The following KMT2C variants were observed in gnomAD, a reference collection of about 807,000 sequenced individuals.
The protein encoded by KMT2C is lysine methyltransferase 2C.
A neutral mutation model predicts 507.9 loss-of-function variants in KMT2C; 88 were observed. The ratio of observed to expected loss-of-function variants is 0.17; its 90% CI spans 0.15 to 0.21. The LOEUF (loss-of-function observed/expected upper bound fraction) is 0.21, where lower values mean the gene tolerates loss of function less well. KMT2C is among the 10% of genes least tolerant of loss of function. The pLI is 1.00. For missense variants in KMT2C, 4,954 were observed against 5,957.8 expected (o/e 0.83, Z 5.55); for synonymous variants, 2,049 against 2,080.8 (o/e 0.98, Z 0.42).
intron 1 of KMT2C, among the ~76,000 whole-genome samples, chr7:152,393,441 A>AAATGGGC (rs1328304817): frequency 2.6e-5 from 4 of 152,204 alleles, no homozygotes; most frequent in Non-Finnish European, 5.9e-5. Flanking sequence ...CTTAACAGAA[A>AAATGGGC]AATGGGCAAT....
chr7:152,240,124 C>T (rs1232974765), intron 14 of KMT2C, among the ~76,000 whole-genome samples: 6 of 152,174 alleles, frequency 3.9e-5, no homozygotes, highest in Admixed American at 1.3e-4. Context: ...TTCTTTCTTA[C>T]CCATCAAATC....
At position 152,315,805 on chromosome 7, in the gene KMT2C, T is replaced by C. The variant is rs557462700; in HGVS notation, c.390-467A>G. Among the ~76,000 whole-genome samples the C allele has an allele frequency of 9.2e-5, 14 of 152,200 alleles. No homozygotes were observed. The East Asian group carries it at 2.7e-3, about 29-fold the overall frequency. On this transcript the variant is annotated intron_variant, in intron 3 of 58. Coordinates refer to ENST00000262189, the MANE Select transcript of KMT2C (RefSeq NM_170606.3). ...GGTGGCACACCCCTGTAATCCCAGC[T>C]ACTCGGGTGGCTGAGGCACCTCGCT...
At chr7:152,168,258 A>C (rs2092819930) in intron 41 of KMT2C, among the ~76,000 whole-genome samples, 1 of 152,236 alleles carries the variant, frequency 6.6e-6, no homozygotes, top group African/African-American at 2.4e-5. Context: ...CGCTGAAAAT[A>C]ACATCAATGA....
rs2129104154 is a variant in KMT2C, at chr7:152,162,999, G to A, written c.10578C>T (p.Ser3526=). 1.2e-6 allele frequency: 2 copies of A among 1,614,192 alleles called. No individual in the cohort carries two copies. The highest frequency in any genetic ancestry group is 8.5e-7 in the Non-Finnish European group (1 of 1,180,040). The change falls in exon 43 of 59, where the codon AGC becomes AGT. Residue 3526 remains serine, a synonymous_variant. Coordinates refer to ENST00000262189, the MANE Select transcript of KMT2C (RefSeq NM_170606.3). ...CCTGCTTCACAGAAGAAAAATTTGG[G>A]CTTCCAACAGGGATTGATGGTGAAT... The part of the protein sequence containing the change: ...VPDSPSIPVG[S]PNFSSVKQGH...
At chr7:152,342,035 G>A (rs2096999618) in intron 2 of KMT2C, among the ~76,000 whole-genome samples, 1 of 152,162 alleles carries the variant, frequency 6.6e-6, no homozygotes, top group Non-Finnish European at 1.5e-5. Context: ...ACACGTGTAT[G>A]GCTTTGGAAC....
chr7:152,307,991 C>A (rs1244105880), intron 6 of KMT2C, among the ~76,000 whole-genome samples: 1 of 152,176 alleles, frequency 6.6e-6, no homozygotes, highest in African/African-American at 2.4e-5. Context: ...TGAAGTAATT[C>A]ATAAAACAGA....
At position 152,176,604 on chromosome 7, in the gene KMT2C, T is replaced by C. The variant is rs752050295; in HGVS notation, c.8849A>G (p.His2950Arg). Reference protein sequence around the residue: ...PPTLPASPSNHVSSLPPFIAP... With the variant: ...PPTLPASPSNRVSSLPPFIAP... ...TATGAAAGGAGGCAAACTTGACACATGATTGGATGGGGAGGCCGGCAGAGT... is the reference window on the plus strand; with the variant it reads ...TATGAAAGGAGGCAAACTTGACACACGATTGGATGGGGAGGCCGGCAGAGT... The change falls in exon 38 of 59, where the codon CAT becomes CGT. Residue 2950 changes from histidine to arginine, a missense_variant. His to Arg is a conservative substitution (Grantham distance 29, BLOSUM62 0). This residue lies in a region of KMT2C where 1,689 missense variants were observed against 1,654.3 expected (regional missense o/e 1.02). Transcript: ENST00000262189. 2.0e-5 allele frequency: 33 copies of C among 1,613,994 alleles called. No individual in the cohort carries two copies. The highest frequency in any genetic ancestry group is 3.3e-5 in the Admixed American group (2 of 59,998).
intron 3 of KMT2C, among the ~76,000 whole-genome samples, chr7:152,323,330 T>C (rs1288259941): frequency 6.6e-6 from 1 of 152,018 alleles, no homozygotes; most frequent in Non-Finnish European, 1.5e-5. Flanking sequence ...AACAATGGAA[T>C]ACTATTCAGC....
chr7:152,343,449 G>A (rs2097018750), intron 2 of KMT2C, among the ~76,000 whole-genome samples: 2 of 123,358 alleles, frequency 1.6e-5, no homozygotes, highest in Non-Finnish European at 3.3e-5. Context: ...AAAAAGACTG[G>A]GAAAAAAAAA....
intron 37 of KMT2C, among the ~76,000 whole-genome samples, chr7:152,178,396 G>A (rs1010112773): frequency 6.6e-6 from 1 of 152,090 alleles, no homozygotes; most frequent in East Asian, 1.9e-4. Flanking sequence ...AAGCTGATTC[G>A]GGGATGATGT....
At chr7:152,298,392 T>C (rs1281532827) in intron 6 of KMT2C, among the ~76,000 whole-genome samples, 1 of 152,176 alleles carries the variant, frequency 6.6e-6, no homozygotes, top group Non-Finnish European at 1.5e-5. Flanking sequence ...ATATTATTAA[T>C]AGCAGCTGTA....
At position 152,435,608 on chromosome 7, in the gene KMT2C, C is replaced by T. The variant is rs2097910710; in HGVS notation, c.161+18G>A. 6.8e-7 allele frequency: 1 copy of T among 1,464,476 alleles called. No individual in the cohort carries two copies. The highest frequency in any genetic ancestry group is 1.5e-5 in the African/African-American group (1 of 67,920). The allele number at this position is 1,464,476 out of a possible 1,614,324, so 90.7% of individuals were successfully genotyped here. ...GCCGCCGCTGGCTCCCGGCCTGGCT[C>T]CCTCGCACTCAACTTACTTCTTTCT... is the stretch of plus-strand genomic sequence containing the variant. On this transcript the variant is annotated intron_variant, in intron 1 of 58. Coordinates refer to ENST00000262189, the MANE Select transcript of KMT2C (RefSeq NM_170606.3).
rs770496546 is a variant in KMT2C, at chr7:152,148,373, G to A, written c.13554C>T (p.Tyr4518=). ...CATAGACCCTCCTGAAGACTGCAAA[G>A]TAACTTAATTCTTGCTCATGAATTC... ...PKGIHEQELS[Y]FAVFRRVYVQ... The change falls in exon 52 of 59, where the codon TAC becomes TAT. Residue 4518 remains tyrosine (Y), a synonymous_variant. Transcript: ENST00000262189. The surrounding 1 kb of genome is among the most constrained non-coding windows in gnomAD (Gnocchi z 7.1). 6.2e-7 allele frequency: 1 copy of A among 1,614,268 alleles called. No individual in the cohort carries two copies. The highest frequency in any genetic ancestry group is 1.7e-5 in the Admixed American group (1 of 60,034).
At chr7:152,413,735 A>T (rs1589855255) in intron 1 of KMT2C, among the ~76,000 whole-genome samples, 2 of 152,012 alleles carry the variant, frequency 1.3e-5, no homozygotes, top group Non-Finnish European at 2.9e-5. Flanking sequence ...AAATACAAAA[A>T]TTAGCCAGGT....
At chr7:152,329,668 G>A (rs552892793) in intron 3 of KMT2C, among the ~76,000 whole-genome samples, 3 of 148,464 alleles carry the variant, frequency 2.0e-5, no homozygotes, top group East Asian at 4.2e-4. Flanking sequence ...GGATGGAGGG[G>A]AAGGAGGGAG....
chr7:152,347,937 C>A (rs2097075703), intron 2 of KMT2C, among the ~76,000 whole-genome samples: 1 of 152,090 alleles, frequency 6.6e-6, no homozygotes, highest in African/African-American at 2.4e-5. Flanking sequence ...GGTTCAACCC[C>A]AAGCTATTAA....
At chr7:152,394,694 A>G (rs548952566) in intron 1 of KMT2C, among the ~76,000 whole-genome samples, 1 of 152,036 alleles carries the variant, frequency 6.6e-6, no homozygotes, top group East Asian at 1.9e-4. Flanking sequence ...CCTTATCCCC[A>G]CTAAAATATA....
chr7:152,384,581 CCACCA>C (rs2097405480), intron 1 of KMT2C, among the ~76,000 whole-genome samples: 1 of 147,030 alleles, frequency 6.8e-6, no homozygotes, highest in Admixed American at 6.8e-5. Flanking sequence ...ACCACCACCA[CCACCA>C]CCACCACCAC....
intron 14 of KMT2C, among the ~76,000 whole-genome samples, chr7:152,242,876 C>G (rs1342411896): frequency 6.6e-6 from 1 of 152,150 alleles, no homozygotes; most frequent in Non-Finnish European, 1.5e-5. Context: ...CCTAAATCAA[C>G]CCCAGCCCCA....
Sources: allele counts gnomAD v4.1 joint callset (sites outside exome capture counted in the v4.1 genomes callset), GRCh38; gene constraint gnomAD v4.1.1; regional missense constraint gnomAD v4.1.1; non-coding constraint Gnocchi (gnomAD v3.1); transcripts MANE v1.5; gene names NCBI Gene and HGNC (gene_info 2026-07-23, HGNC 2026-07-21).